The following KDM4C variants were observed in gnomAD, a reference collection of about 807,000 sequenced individuals.
The protein encoded by KDM4C is lysine-specific demethylase 4C.
Under a neutral mutation model 129.3 loss-of-function variants are expected in KDM4C, and 81 were observed. The observed-to-expected ratio is 0.63, with a 90% CI of 0.52 to 0.75. KDM4C has a LOEUF of 0.75. Ranked by LOEUF, KDM4C falls within the 30% of genes least tolerant of loss-of-function variation. KDM4C has a pLI of 0.00. For missense variants in KDM4C, 1,457 were observed against 1,304.0 expected (o/e 1.12, Z -1.81); for synonymous variants, 573 against 456.1 (o/e 1.26, Z -3.26).
chr9:6,760,982 T>C (rs1212638142), intron 1 of KDM4C, among the ~76,000 whole-genome samples: 1 of 151,164 alleles, frequency 6.6e-6, no homozygotes, highest in African/African-American at 2.4e-5. Flanking sequence ...GTTAATGCTG[T>C]GTTTTCCTTT....
chr9:6,778,025 A>C (rs995109788), intron 1 of KDM4C, among the ~76,000 whole-genome samples: 1 of 151,378 alleles, frequency 6.6e-6, no homozygotes, highest in African/African-American at 2.4e-5. Flanking sequence ...GACTCAGGGA[A>C]TCGTCCTGCC....
chr9:6,977,012 T>G (rs1298563264), intron 8 of KDM4C, among the ~76,000 whole-genome samples: 1 of 152,126 alleles, frequency 6.6e-6, no homozygotes, highest in Admixed American at 6.5e-5. Context: ...ATTATGAGAT[T>G]AATTTTTGTA....
At chr9:6,745,032 G>T (rs1308905173) in intron 1 of KDM4C, among the ~76,000 whole-genome samples, 1 of 151,962 alleles carries the variant, frequency 6.6e-6, no homozygotes, top group African/African-American at 2.4e-5. Context: ...TTTCACCTTT[G>T]ACCCAATAGG....
intron 18 of KDM4C, among the ~76,000 whole-genome samples, chr9:7,120,223 T>C (rs909770029): frequency 6.6e-6 from 1 of 152,110 alleles, no homozygotes; most frequent in Non-Finnish European, 1.5e-5. Context: ...GCCTTTTGGA[T>C]GTTGTTGTGC....
chr9:6,962,388 G>T (rs1044872658), intron 8 of KDM4C, among the ~76,000 whole-genome samples: 1 of 152,154 alleles, frequency 6.6e-6, no homozygotes, highest in Non-Finnish European at 1.5e-5. Flanking sequence ...TTTGGACAGT[G>T]AATCCATTAA....
At chr9:6,922,397 T>G (rs1821699034) in intron 8 of KDM4C, among the ~76,000 whole-genome samples, 1 of 152,194 alleles carries the variant, frequency 6.6e-6, no homozygotes, top group African/African-American at 2.4e-5. Flanking sequence ...ATTTACTGTT[T>G]TTTTCCCCCC....
At chr9:6,791,820 C>T (rs1372882674) in intron 1 of KDM4C, among the ~76,000 whole-genome samples, 1 of 151,974 alleles carries the variant, frequency 6.6e-6, no homozygotes, top group East Asian at 1.9e-4. Flanking sequence ...GTCGGGAGTT[C>T]GAGACCGGCC....
At chr9:7,002,305 A>G (rs1256815534) in intron 12 of KDM4C, among the ~76,000 whole-genome samples, 1 of 147,812 alleles carries the variant, frequency 6.8e-6, no homozygotes, top group East Asian at 1.9e-4. Flanking sequence ...CTTAGTACCT[A>G]TCTTTGTTTT....
intron 1 of KDM4C, among the ~76,000 whole-genome samples, chr9:6,790,672 A>T (rs977090270): frequency 9.3e-4 from 141 of 150,876 alleles, no homozygotes; most frequent in African/African-American, 3.4e-3. Context: ...AAAAAAAAAA[A>T]AAAAAAAAAA....
At chr9:6,743,002 C>T (rs1817752411) in intron 1 of KDM4C, among the ~76,000 whole-genome samples, 1 of 151,898 alleles carries the variant, frequency 6.6e-6, no homozygotes, top group Non-Finnish European at 1.5e-5. Context: ...CAGGGCGAGG[C>T]TCAGTTTAAA....
At chr9:7,114,384 T>C (rs1485209967) in intron 18 of KDM4C, among the ~76,000 whole-genome samples, 2 of 152,172 alleles carry the variant, frequency 1.3e-5, no homozygotes, top group East Asian at 3.8e-4. Flanking sequence ...ATTGAGAAAT[T>C]AATAACAATT....
intron 17 of KDM4C, among the ~76,000 whole-genome samples, chr9:7,100,444 A>G (rs551345447): frequency 6.6e-6 from 1 of 151,830 alleles, no homozygotes; most frequent in East Asian, 1.9e-4. Context: ...GGTTCAAGCG[A>G]CTCTCCTGCC....
chr9:6,817,195 G>GGCCC (rs1832262941), intron 4 of KDM4C, among the ~76,000 whole-genome samples: 1 of 53,252 alleles, frequency 1.9e-5, no homozygotes, highest in African/African-American at 8.1e-5. Context: ...CCCTCCCCCT[G>GGCCC]CCCCCCCCCC....
rs796548476 is a variant in KDM4C at position 6,854,546 on chromosome 9, C to CAA, written c.629+4855_629+4856dup. On this transcript the variant is annotated intron_variant, in intron 5 of 21. Coordinates refer to ENST00000381309, the MANE Select transcript of KDM4C (RefSeq NM_015061.6). Reference sequence around the variant, plus strand: ...GTCTCAAAAAAAAAAAAAAAAAAAACAAAAAAAAAACTAACTTTCAAATTT... The same window carrying CAA: ...GTCTCAAAAAAAAAAAAAAAAAAAACAAAAAAAAAAAACTAACTTTCAAATTT... Among the ~76,000 whole-genome samples, 5 of 108,678 alleles carry CAA rather than the reference C, an allele frequency of 4.6e-5. No homozygotes were observed. The East Asian group carries it at 8.1e-4, about 18-fold the overall frequency. The allele number at this position is 108,678 out of a possible 152,430, so 71.3% of individuals were successfully genotyped here.
chr9:6,842,163 C>G (rs999109119), intron 4 of KDM4C, among the ~76,000 whole-genome samples: 1 of 152,142 alleles, frequency 6.6e-6, no homozygotes, highest in African/African-American at 2.4e-5. Flanking sequence ...GCAGTAAGCT[C>G]ACAACCACTA....
intron 17 of KDM4C, among the ~76,000 whole-genome samples, chr9:7,073,001 T>C (rs1564080850): frequency 6.6e-6 from 1 of 152,022 alleles, no homozygotes; most frequent in African/African-American, 2.4e-5. Flanking sequence ...AGAAAAGTAG[T>C]AGGAGAAGTA....
At chr9:7,044,205 TA>T (rs1360863907) in intron 15 of KDM4C, among the ~76,000 whole-genome samples, 2 of 151,896 alleles carry the variant, frequency 1.3e-5, no homozygotes, top group African/African-American at 2.4e-5. Flanking sequence ...TTTGAGGGAG[TA>T]ACATTTAGGT....
At chr9:6,959,222 C>T (rs532897768) in intron 8 of KDM4C, among the ~76,000 whole-genome samples, 14 of 152,278 alleles carry the variant, frequency 9.2e-5, no homozygotes, top group Non-Finnish European at 1.9e-4. Context: ...ATGGTTTTAT[C>T]GTCTGTTTGA....
In KDM4C at chr9:6,880,079, A is replaced by G; in HGVS notation, c.679+18A>G. 2 of 1,568,914 alleles carry G rather than the reference A, an allele frequency of 1.3e-6. No homozygotes were observed. Among genetic ancestry groups the G allele is most frequent in the East Asian group, 4.5e-5 (2 of 44,150 alleles). On this transcript the variant is annotated intron_variant, in intron 6 of 21. Transcript: ENST00000381309. ...AGCTCAAGGTAAAACTTGCTTTTTA[A>G]ATTTGTTTTCTGTGTTTTATATGTT... is the stretch of plus-strand genomic sequence containing the variant.
Sources: allele counts gnomAD v4.1 joint callset (sites outside exome capture counted in the v4.1 genomes callset), GRCh38; gene constraint gnomAD v4.1.1; transcripts MANE v1.5; gene names NCBI Gene and HGNC (gene_info 2026-07-23, HGNC 2026-07-21).